Variants in SLC10A7 observed in about 807,000 individuals in gnomAD.
SLC10A7 encodes the protein sodium/bile acid cotransporter 7.
SLC10A7 carries 29 observed loss-of-function variants against 43.2 expected under a neutral mutation model. The ratio of observed to expected loss-of-function variants is 0.67; its 90% CI spans 0.50 to 0.92. SLC10A7 has a LOEUF of 0.92. SLC10A7 is among the 40% of genes least tolerant of loss of function. The pLI is 0.00. For synonymous variants in SLC10A7, 152 were observed against 144.8 expected (o/e 1.05, Z -0.35); for missense variants, 295 against 403.2 (o/e 0.73, Z 2.30).
chr4:146,411,754 T>C (rs1728209148), intron 5 of SLC10A7, among the ~76,000 whole-genome samples: 1 of 152,144 alleles, frequency 6.6e-6, no homozygotes, highest in African/African-American at 2.4e-5. Flanking sequence ...TTAGTTTCTC[T>C]TGTTTTATAC....
chr4:146,294,934 G>A (rs950759971), intron 7 of SLC10A7, among the ~76,000 whole-genome samples: 2 of 152,108 alleles, frequency 1.3e-5, no homozygotes, highest in African/African-American at 4.8e-5. Context: ...TCATAAGGAC[G>A]ATAGCTGAGA....
intron 10 of SLC10A7, among the ~76,000 whole-genome samples, chr4:146,272,298 C>A (rs1379676448): frequency 6.6e-6 from 1 of 152,146 alleles, no homozygotes; most frequent in African/African-American, 2.4e-5. Context: ...CATTCCAAAT[C>A]AGCTGGCTTC....
intron 2 of SLC10A7, 24 bp from the exon 3 acceptor site, chr4:146,510,073 T>C (rs761107427): frequency 3.8e-6 from 6 of 1,582,258 alleles, no homozygotes; most frequent in Admixed American, 3.8e-5. Context: ...GGAAACAAAA[T>C]AAACAAAGGT....
At chr4:146,384,510 C>T (rs1249800536) in intron 5 of SLC10A7, among the ~76,000 whole-genome samples, 3 of 152,030 alleles carry the variant, frequency 2.0e-5, no homozygotes, top group African/African-American at 7.2e-5. Context: ...CTTGAAAGAA[C>T]ACATGGTCAA....
At chr4:146,410,070 A>G (rs1306147877) in intron 5 of SLC10A7, among the ~76,000 whole-genome samples, 1 of 152,162 alleles carries the variant, frequency 6.6e-6, no homozygotes, top group Non-Finnish European at 1.5e-5. Context: ...CTCACACATT[A>G]TATCATCTGA....
At chr4:146,323,863 G>A (rs1257908391) in intron 6 of SLC10A7, among the ~76,000 whole-genome samples, 2 of 152,102 alleles carry the variant, frequency 1.3e-5, no homozygotes, top group Non-Finnish European at 2.9e-5. Flanking sequence ...TATTCAATTA[G>A]GAAAAGAGGA....
chr4:146,271,757 C>T (rs1020118566), intron 10 of SLC10A7, among the ~76,000 whole-genome samples: 1 of 152,198 alleles, frequency 6.6e-6, no homozygotes, highest in East Asian at 1.9e-4. Context: ...ACTCATTCTG[C>T]TCCCAAGGTG....
intron 9 of SLC10A7, among the ~76,000 whole-genome samples, chr4:146,285,335 A>C (rs1325990376): frequency 1.7e-5 from 2 of 118,748 alleles, no homozygotes; most frequent in East Asian, 4.6e-4. Flanking sequence ...GAGTGAAAAC[A>C]GGAGATGGTG....
intron 5 of SLC10A7, among the ~76,000 whole-genome samples, chr4:146,389,913 C>T (rs1268551676): frequency 7.2e-5 from 11 of 152,150 alleles, no homozygotes; most frequent in Non-Finnish European, 1.6e-4. Context: ...TAATGGATGC[C>T]AAATCACTTA....
At chr4:146,324,144 C>G (rs1391345598) in intron 6 of SLC10A7, among the ~76,000 whole-genome samples, 1 of 152,242 alleles carries the variant, frequency 6.6e-6, no homozygotes, top group Admixed American at 6.5e-5. Context: ...TCAAGGAGAA[C>G]TACAAACCAC....
At chr4:146,438,334 A>G (rs1730351496) in intron 5 of SLC10A7, among the ~76,000 whole-genome samples, 2 of 152,072 alleles carry the variant, frequency 1.3e-5, no homozygotes, top group Admixed American at 1.3e-4. Context: ...TGAGTATTTT[A>G]AAAGAGAAAA....
At chr4:146,418,562 A>T (rs1405690231) in intron 5 of SLC10A7, among the ~76,000 whole-genome samples, 7 of 152,254 alleles carry the variant, frequency 4.6e-5, no homozygotes, top group African/African-American at 1.2e-4. Context: ...GATTTTTTTT[A>T]AAAAAGAATT....
At chr4:146,380,125 T>C (rs1020841652) in intron 5 of SLC10A7, among the ~76,000 whole-genome samples, 2 of 151,930 alleles carry the variant, frequency 1.3e-5, no homozygotes, top group African/African-American at 4.8e-5. Context: ...TAACAAGGAG[T>C]ACTATGGGTC....
intron 4 of SLC10A7, among the ~76,000 whole-genome samples, chr4:146,468,708 C>CT (rs1332016857): frequency 6.6e-6 from 1 of 152,030 alleles, no homozygotes; most frequent in African/African-American, 2.4e-5. Context: ...GTGATCTACT[C>CT]GCCTCAGCCT....
intron 5 of SLC10A7, among the ~76,000 whole-genome samples, chr4:146,434,858 A>G (rs1443210790): frequency 6.6e-6 from 1 of 152,064 alleles, no homozygotes; most frequent in East Asian, 1.9e-4. Flanking sequence ...CACCACGCCC[A>G]CCTACTTGAA....
intron 4 of SLC10A7, among the ~76,000 whole-genome samples, chr4:146,489,070 G>A (rs1226698204): frequency 6.6e-6 from 1 of 152,172 alleles, no homozygotes; most frequent in Non-Finnish European, 1.5e-5. Context: ...AATAGCCTGT[G>A]CTAAATGTGC....
At chr4:146,519,113 A>T (rs1180600062) in intron 1 of SLC10A7, among the ~76,000 whole-genome samples, 1 of 99,564 alleles carries the variant, frequency 1.0e-5, no homozygotes, top group East Asian at 2.9e-4. Flanking sequence ...ATATATATAT[A>T]ATATAATATA....
In SLC10A7 at chr4:146,521,661, C is replaced by T. The variant is rs765818741; in HGVS notation, c.57G>A (p.Ala19=). 1.2e-6 allele frequency: 2 copies of T among 1,614,194 alleles called. No homozygotes were observed. Among genetic ancestry groups the T allele is most frequent in the South Asian group, 2.2e-5 (2 of 91,084 alleles). Residue 19 remains alanine, a synonymous_variant, in exon 1 of 12, where the codon GCG becomes GCA. Coordinates refer to ENST00000335472, the MANE Select transcript of SLC10A7 (RefSeq NM_001029998.6). ...KDWFMVGIVL[A]IAGAKLEPSI... ...ACGGCTCCAGTTTAGCTCCAGCGAT[C>T]GCCAGCACTATTCCGACCATGAACC... is the stretch of plus-strand genomic sequence containing the variant.
chr4:146,381,566 A>T (rs1436104156), intron 5 of SLC10A7, among the ~76,000 whole-genome samples: 1 of 152,082 alleles, frequency 6.6e-6, no homozygotes, highest in Non-Finnish European at 1.5e-5. Flanking sequence ...CACCCAGCCA[A>T]AGAAAAATCT....
Sources: allele counts gnomAD v4.1 joint callset (sites outside exome capture counted in the v4.1 genomes callset), GRCh38; gene constraint gnomAD v4.1.1; transcripts MANE v1.5; gene names NCBI Gene and HGNC (gene_info 2026-07-23, HGNC 2026-07-21).